The following MLLT6 variants were observed in gnomAD, a reference collection of about 807,000 sequenced individuals.
MLLT6 encodes the protein MLLT6, PHD finger containing.
A neutral mutation model predicts 103.0 loss-of-function variants in MLLT6; 22 were observed. The ratio of observed to expected loss-of-function variants is 0.21; its 90% confidence interval spans 0.15 to 0.31. The LOEUF is 0.31. Ranked by LOEUF, MLLT6 falls within the 10% of genes least tolerant of loss-of-function variation. The pLI, the probability that MLLT6 is intolerant of heterozygous loss-of-function variation, is 1.00. For synonymous variants in MLLT6, 606 were observed against 623.5 expected (o/e 0.97, Z 0.42); for missense variants, 1,199 against 1,441.7 (o/e 0.83, Z 2.73).
In MLLT6 at chr17:38,716,248, G is replaced by T; in HGVS notation, c.1037-119G>T. On this transcript the variant is annotated intron_variant, in intron 9 of 19. Transcript: ENST00000621332. This position sits in a 1 kb window ranked among gnomAD's most constrained non-coding sequence, Gnocchi z 5.6. ...AGGACACAGACAGTGGCAGAGCTGA[G>T]ACAGGAAACCAGGCATCCCCATTCG... is the stretch of plus-strand genomic sequence containing the variant. The T allele has an allele frequency of 9.3e-7, 1 of 1,074,636 alleles. No individual in the cohort carries two copies. Among genetic ancestry groups the T allele is most frequent in the Non-Finnish European group, 1.3e-6 (1 of 745,938 alleles). The allele number at this position is 1,074,636 out of a possible 1,614,324, so 66.6% of individuals were successfully genotyped here.
chr17:38,715,727 G>C lies in MLLT6; in HGVS notation c.935G>C (p.Gly312Ala). ...KSSSHSLSHKGKKLSSGKGVS... is the reference protein window; with the variant it reads ...KSSSHSLSHKAKKLSSGKGVS... ...TCCAGCCATAGCCTGAGTCATAAAG[G>C]GAAGAAACTGAGCAGTGGGAAAGGT... is the stretch of plus-strand genomic sequence containing the variant. Residue 312 changes from glycine to alanine, a missense_variant, in exon 9 of 20, where the codon GGG becomes GCG. This residue lies in a region of MLLT6 where 1,034 missense variants were observed against 1,091.5 expected (regional missense o/e 0.95). Transcript: ENST00000621332. 6.2e-7 allele frequency: 1 copy of C among 1,614,132 alleles called. No individual in the cohort carries two copies. The highest frequency in any genetic ancestry group is 8.5e-7 in the Non-Finnish European group (1 of 1,180,018).
intron 18 of MLLT6, 45 bp downstream of exon 18, chr17:38,722,813 T>C (rs774832855): frequency 5.8e-6 from 8 of 1,388,912 alleles, no homozygotes; most frequent in Non-Finnish European, 8.2e-6. Flanking sequence ...TTGGTCTGCC[T>C]GGAAGGGCAC....
intron 8 of MLLT6, chr17:38,714,176 G>C (rs1291538869): frequency 1.3e-5 from 2 of 152,216 alleles, no homozygotes; most frequent in Non-Finnish European, 2.9e-5. Flanking sequence ...ATATGAAGAT[G>C]ATGGGGCACA....
Position 38,717,291 on chromosome 17 carries a change from T to A in MLLT6, c.1652-141T>A, listed in dbSNP as rs905184966. The A allele has an allele frequency of 6.4e-6, 5 of 779,214 alleles. No homozygotes were observed. The African/African-American group carries it at 8.7e-5, about 14-fold the overall frequency. 48.3% of individuals were successfully genotyped at this position (779,214 alleles called of 1,614,324 possible). A position where few individuals can be genotyped will look rare whatever the true frequency, so the allele number is the denominator to read the frequency against. ...GTCACCCAGGCAGGAAGTGACATCT[T>A]TGCAGCAAGAGGGTTAGACTGGGGC... On this transcript the variant is annotated intron_variant, in intron 10 of 19. Coordinates refer to ENST00000621332, the MANE Select transcript of MLLT6 (RefSeq NM_005937.4).
intron 4 of MLLT6, 25 bp downstream of exon 4, chr17:38,707,897 C>A: frequency 7.1e-7 from 1 of 1,415,454 alleles, no homozygotes; most frequent in East Asian, 2.3e-5. Flanking sequence ...GCCGTGTCCC[C>A]TACCAGTTCC....
chr17:38,719,549 C>G lies in MLLT6; in HGVS notation c.1975C>G (p.Arg659Gly). ...PDLEDCSFRC[R>G]GTSPQESLSS... is the part of the protein sequence containing the mutation. ...CCTGGAGGACTGCAGCTTCCGGTGT[C>G]GGGGGACCTCCCCTCAGGAGAGTCT... Residue 659 changes from arginine (R) to glycine (G), a missense_variant, in exon 13 of 20, where the codon CGG becomes GGG. By Grantham distance (125) the Arg-to-Gly change is moderately radical. This residue lies in a region of MLLT6 where 1,034 missense variants were observed against 1,091.5 expected (regional missense o/e 0.95). Coordinates refer to ENST00000621332, the MANE Select transcript of MLLT6 (RefSeq NM_005937.4). The G allele has an allele frequency of 6.2e-7, 1 of 1,611,578 alleles. No homozygotes were observed. The highest frequency in any genetic ancestry group is 1.1e-5 in the South Asian group (1 of 90,336).
rs933847796 is a variant in MLLT6, at chr17:38,722,257, A to G, written c.2792+30A>G. On this transcript the variant is annotated intron_variant, in intron 17 of 19. Coordinates refer to ENST00000621332, the MANE Select transcript of MLLT6 (RefSeq NM_005937.4). Reference sequence around the variant, plus strand: ...GGGAGAGCTCAGCCCTGGGAAGGGGAACAGGGTGGGGGGCTGGCTCTGGGA... The same window carrying G: ...GGGAGAGCTCAGCCCTGGGAAGGGGGACAGGGTGGGGGGCTGGCTCTGGGA... 3.0e-6 allele frequency: 4 copies of G among 1,350,206 alleles called. No homozygotes were observed. The African/African-American group carries it at 6.1e-5, about 20-fold the overall frequency. 83.6% of individuals were successfully genotyped at this position (1,350,206 alleles called of 1,614,324 possible). A position where few individuals can be genotyped will look rare whatever the true frequency, so the allele number is the denominator to read the frequency against.
Position 38,711,870 on chromosome 17 carries a change from G to GGGAGGCGGA in MLLT6, c.584_592dup (p.Gly195_Gly197dup), listed in dbSNP as rs1567924436. ...AGAAGACATCCCGGCACAGCAGCGG[G>GGGAGGCGGA]GGAGGCGGAGGAGGCGCTGGAGGAG... On this transcript the variant is annotated inframe_insertion, in exon 7 of 20. Coordinates refer to ENST00000621332, the MANE Select transcript of MLLT6 (RefSeq NM_005937.4). 1 of 1,587,934 alleles carries GGGAGGCGGA rather than the reference G, an allele frequency of 6.3e-7. No homozygotes were observed. Among genetic ancestry groups the GGGAGGCGGA allele is most frequent in the Non-Finnish European group, 8.6e-7 (1 of 1,167,202 alleles).
chr17:38,719,601 C>T lies in MLLT6; in HGVS notation c.2009+18C>T, dbSNP rs887867671. On this transcript the variant is annotated intron_variant, in intron 13 of 19. Coordinates refer to ENST00000621332, the MANE Select transcript of MLLT6 (RefSeq NM_005937.4). ...TCTTCCATGTGAGGGAAGGGGCAGC[C>T]TGGAGGAGGGGCTGGGGGCAGGAGG... The T allele has an allele frequency of 1.9e-6, 3 of 1,595,916 alleles. No individual in the cohort carries two copies. The Middle Eastern group carries it at 5.0e-4, about 267-fold the overall frequency.
At position 38,719,586 on chromosome 17, in the gene MLLT6, G is replaced by A; in HGVS notation, c.2009+3G>A. 1.2e-6 allele frequency: 2 copies of A among 1,605,048 alleles called. No homozygotes were observed. Among genetic ancestry groups the A allele is most frequent in the Non-Finnish European group, 1.7e-6 (2 of 1,175,420 alleles). On this transcript the variant is annotated splice_donor_region_variant and intron_variant, in intron 13 of 19. Coordinates refer to ENST00000621332, the MANE Select transcript of MLLT6 (RefSeq NM_005937.4). The stretch of plus-strand genomic sequence containing the variant: ...CCTCAGGAGAGTCTGTCTTCCATGT[G>A]AGGGAAGGGGCAGCCTGGAGGAGGG...
At chr17:38,719,918 G>A (rs1459354994) in intron 14 of MLLT6, 23 bp downstream of exon 14, 2 of 1,551,344 alleles carry the variant, frequency 1.3e-6, no homozygotes, top group Admixed American at 2.0e-5. Flanking sequence ...GGCGCCGGTC[G>A]GGACGCCTGC....
Position 38,724,936 on chromosome 17 carries a change from T to G in MLLT6, c.3200T>G (p.Leu1067Arg), listed in dbSNP as rs139096266. 8 of 1,549,196 alleles carry G rather than the reference T, an allele frequency of 5.2e-6. No individual in the cohort carries two copies. The Middle Eastern group carries it at 5.0e-4, about 98-fold the overall frequency. The change falls in exon 19 of 20, where the codon CTG becomes CGG. Residue 1067 changes from leucine to arginine, a missense_variant. This residue lies in a region of MLLT6 where 55 missense variants were observed against 93.3 expected (regional missense o/e 0.59). Coordinates refer to ENST00000621332, the MANE Select transcript of MLLT6 (RefSeq NM_005937.4). The surrounding 1 kb of genome is among the most constrained non-coding windows in gnomAD (Gnocchi z 5.4). ...LTAQTNPFLS[L>R]SGAEGSGGGP... The stretch of plus-strand genomic sequence containing the variant: ...GCCCAGACCAACCCCTTCCTCAGCC[T>G]GTCGGGAGCAGAGGGCAGTGGCGGT...
rs1474374543 is a variant in MLLT6, at chr17:38,709,259, A to G, written c.441A>G (p.Gln147=). 6.2e-7 allele frequency: 1 copy of G among 1,613,904 alleles called. No individual in the cohort carries two copies. The highest frequency in any genetic ancestry group is 2.2e-5 in the East Asian group (1 of 44,884). The part of the protein sequence containing the change: ...CMTCNRHGCR[Q]AFHVTCAQMA... ...CCTGTAACCGCCATGGATGTCGACA[A>G]GCTTTCCACGTCACCTGGTGAGACC... The change falls in exon 5 of 20, where the codon CAA becomes CAG. Residue 147 remains glutamine (Q), a synonymous_variant. Transcript: ENST00000621332. The surrounding 1 kb of genome is among the most constrained non-coding windows in gnomAD (Gnocchi z 4.3).
chr17:38,720,305 G>T, intron 14 of MLLT6, 67 bp from the exon 15 acceptor site: 1 of 219,510 alleles, frequency 4.6e-6, no homozygotes. Context: ...TCCAGGCCCC[G>T]CCCCCGGTCC....
chr17:38,722,002 C>A lies in MLLT6; in HGVS notation c.2567C>A (p.Ala856Asp). The A allele has an allele frequency of 6.7e-7, 1 of 1,489,120 alleles. No homozygotes were observed. Among genetic ancestry groups the A allele is most frequent in the Non-Finnish European group, 8.9e-7 (1 of 1,121,120 alleles). The allele number at this position is 1,489,120 out of a possible 1,614,324, so 92.2% of individuals were successfully genotyped here. A position where few individuals can be genotyped will look rare whatever the true frequency, so the allele number is the denominator to read the frequency against. Residue 856 changes from alanine to aspartate, a missense_variant, in exon 17 of 20, where the codon GCC becomes GAC. Ala to Asp is a moderately radical substitution (Grantham distance 126). This residue lies in a region of MLLT6 where 1,034 missense variants were observed against 1,091.5 expected (regional missense o/e 0.95). Transcript: ENST00000621332. ...CCCCTGGCCCTGCCTGGGGCCCCTG[C>A]CCCACTCCCGCCCCAGCCGCAGAAC... ...TLPLALPGAP[A>D]PLPPQPQNGL...
At position 38,724,823 on chromosome 17, in the gene MLLT6, T is replaced by G. The variant is rs1905935863; in HGVS notation, c.3087T>G (p.Ala1029=). 1.3e-6 allele frequency: 2 copies of G among 1,598,034 alleles called. No individual in the cohort carries two copies. Among genetic ancestry groups the G allele is most frequent in the South Asian group, 2.3e-5 (2 of 88,880 alleles). Residue 1029 remains alanine (A), a synonymous_variant, in exon 19 of 20, where the codon GCT becomes GCG. Transcript: ENST00000621332. This position sits in a 1 kb window ranked among gnomAD's most constrained non-coding sequence, Gnocchi z 5.4. ...PPLLPAGALV[A]PSLGNNTSLM... ...TGCTGCCCGCTGGAGCCCTAGTGGC[T>G]CCCTCGCTTGGCAACAACACAAGTC...
In MLLT6 at chr17:38,717,934, A is replaced by T; in HGVS notation, c.1923A>T (p.Gln641His). The stretch of plus-strand genomic sequence containing the variant: ...GTGCCGTTAATCCCCTCCTCTCCCA[A>T]GCTGAGAGCAGCCACACAGGTATGT... Reference protein sequence around the residue: ...PMGAVNPLLSQAESSHTEPDL... With the variant: ...PMGAVNPLLSHAESSHTEPDL... Residue 641 changes from glutamine to histidine, a missense_variant, in exon 12 of 20, where the codon CAA (glutamine) becomes CAT (histidine). Around this residue, in one of 7 missense-constraint regions of MLLT6, gnomAD observed 1,034 missense variants for 1,091.5 expected, o/e 0.95. Transcript: ENST00000621332. 1 of 1,610,228 alleles carries T rather than the reference A, an allele frequency of 6.2e-7. No individual in the cohort carries two copies. The highest frequency in any genetic ancestry group is 8.5e-7 in the Non-Finnish European group (1 of 1,176,722).
rs761348542 is a variant in MLLT6, at chr17:38,709,200, C to T, written c.382C>T (p.Arg128Trp). Residue 128 changes from arginine to tryptophan, a missense_variant, in exon 5 of 20, where the codon CGG (arginine) becomes TGG (tryptophan). Arg to Trp is a moderately radical substitution (Grantham distance 101). Coordinates refer to ENST00000621332, the MANE Select transcript of MLLT6 (RefSeq NM_005937.4). This position sits in a 1 kb window ranked among gnomAD's most constrained non-coding sequence, Gnocchi z 4.3. ...CTGTTACATCTGCGAGGAGCAGGGC[C>T]GGGAGAGCAAGGCGGCCTCGGGAGC... is the stretch of plus-strand genomic sequence containing the variant. The part of the protein sequence containing the change: ...KTCYICEEQG[R>W]ESKAASGACM... 1 of 1,611,860 alleles carries T rather than the reference C, an allele frequency of 6.2e-7. No individual in the cohort carries two copies. Among genetic ancestry groups the T allele is most frequent in the Admixed American group, 1.7e-5 (1 of 59,232 alleles).
chr17:38,722,842 C>T, intron 18 of MLLT6, 74 bp downstream of exon 18: 1 of 1,161,480 alleles, frequency 8.6e-7, no homozygotes, highest in Non-Finnish European at 1.3e-6. Context: ...GGATCAGGGC[C>T]AGCCAGGAGA....
Sources: gnomAD v4.1 joint callset for allele counts on GRCh38, gnomAD v4.1.1 for gene constraint, gnomAD v4.1.1 regional missense constraint, Gnocchi (gnomAD v3.1) non-coding constraint, MANE v1.5 for transcripts, NCBI Gene and HGNC (gene_info 2026-07-23, HGNC 2026-07-21) for gene names.